KLHL1: variants seen among roughly 807,000 people sequenced by gnomAD.
The protein encoded by KLHL1 is kelch-like protein 1.
Under a neutral mutation model 77.7 loss-of-function variants are expected in KLHL1, and 47 were observed. The ratio of observed to expected loss-of-function variants is 0.60; its 90% CI spans 0.48 to 0.77. The LOEUF is 0.77. Ranked by LOEUF, KLHL1 falls within the 30% of genes least tolerant of loss-of-function variation. KLHL1 has a pLI of 0.00. For synonymous variants in KLHL1, 360 were observed against 325.2 expected, an observed-to-expected ratio of 1.11 and a Z score of -1.15; for missense variants, 925 against 910.8, an observed-to-expected ratio of 1.02 and a Z score of -0.20.
At chr13:69,723,771 CA>C (rs1181128638) in intron 8 of KLHL1, among the ~76,000 whole-genome samples, 1 of 152,064 alleles carries the variant, frequency 6.6e-6, no homozygotes, top group Non-Finnish European at 1.5e-5. Flanking sequence ...TAGGTCTTCA[CA>C]ACCCCTTATC....
chr13:69,975,561 C>A (rs1299942689), intron 2 of KLHL1, 59 bp downstream of exon 2: 1 of 1,424,120 alleles, frequency 7.0e-7, no homozygotes, highest in Non-Finnish European at 9.6e-7. Flanking sequence ...AATCTGCATG[C>A]CAGTCTGGCA....
At chr13:69,886,284 T>C (rs575127656) in intron 4 of KLHL1, among the ~76,000 whole-genome samples, 5 of 152,210 alleles carry the variant, frequency 3.3e-5, no homozygotes, top group African/African-American at 1.2e-4. Context: ...TAAACTACTA[T>C]TTACTACGAC....
chr13:70,000,425 T>C (rs1163690439), intron 1 of KLHL1, among the ~76,000 whole-genome samples: 1 of 151,614 alleles, frequency 6.6e-6, no homozygotes, highest in Non-Finnish European at 1.5e-5. Context: ...CCAAAACTAA[T>C]AAAACAAGAA....
At chr13:69,962,927 C>T (rs934347532) in intron 2 of KLHL1, among the ~76,000 whole-genome samples, 5 of 152,092 alleles carry the variant, frequency 3.3e-5, no homozygotes, top group African/African-American at 1.2e-4. Context: ...GAAGACTTTC[C>T]TAATATCATT....
intron 8 of KLHL1, among the ~76,000 whole-genome samples, chr13:69,740,054 A>G (rs1873920443): frequency 6.6e-6 from 1 of 152,210 alleles, no homozygotes; most frequent in Admixed American, 6.5e-5. Flanking sequence ...AGGAATGAAG[A>G]TGCTTGGAAA....
chr13:69,827,553 A>G (rs1464451408), intron 6 of KLHL1, among the ~76,000 whole-genome samples: 2 of 151,912 alleles, frequency 1.3e-5, no homozygotes, highest in African/African-American at 4.8e-5. Flanking sequence ...AACATGGTGA[A>G]ACCCCGTCTC....
At chr13:69,852,559 G>C (rs1879733625) in intron 5 of KLHL1, among the ~76,000 whole-genome samples, 1 of 151,980 alleles carries the variant, frequency 6.6e-6, no homozygotes, top group Admixed American at 6.6e-5. Context: ...GAAGGTATCA[G>C]TCAGCATTTT....
At chr13:69,902,405 G>T (rs957063678) in intron 4 of KLHL1, among the ~76,000 whole-genome samples, 1 of 152,054 alleles carries the variant, frequency 6.6e-6, no homozygotes, top group African/African-American at 2.4e-5. Flanking sequence ...AAAGGACATA[G>T]ATTTATCATG....
intron 3 of KLHL1, among the ~76,000 whole-genome samples, chr13:69,945,121 G>A (rs73510178): frequency 0.13 from 19,251 of 150,810 alleles, 1,914 homozygotes; most frequent in East Asian, 0.28. Context: ...AGGTAGCTGG[G>A]ATTACAGTCA....
intron 8 of KLHL1, among the ~76,000 whole-genome samples, chr13:69,736,899 G>A (rs1873788575): frequency 1.3e-5 from 2 of 152,252 alleles, no homozygotes; most frequent in African/African-American, 4.8e-5. Context: ...GGAGGGAGTA[G>A]CCAATATGGG....
chr13:69,750,851 G>A (rs1163687373), intron 7 of KLHL1, among the ~76,000 whole-genome samples: 2 of 151,770 alleles, frequency 1.3e-5, no homozygotes, highest in Non-Finnish European at 2.9e-5. Context: ...ATTATCCATC[G>A]TGGTTGCACA....
intron 5 of KLHL1, among the ~76,000 whole-genome samples, chr13:69,844,548 T>C (rs1254415940): frequency 1.3e-5 from 2 of 151,638 alleles, no homozygotes; most frequent in African/African-American, 4.8e-5. Flanking sequence ...TCATTACCTT[T>C]AAAGGCCCTA....
At chr13:69,755,644 AT>A (rs200755377) in intron 7 of KLHL1, among the ~76,000 whole-genome samples, 1 of 151,538 alleles carries the variant, frequency 6.6e-6, no homozygotes, top group Non-Finnish European at 1.5e-5. Context: ...CTCCAAAGTA[AT>A]TTTAAAAAAA....
intron 1 of KLHL1, among the ~76,000 whole-genome samples, chr13:69,978,715 G>A (rs1217846892): frequency 2.6e-5 from 4 of 152,138 alleles, no homozygotes; most frequent in South Asian, 2.1e-4. Context: ...TTGAACTCCC[G>A]AACTCAGGTG....
At chr13:70,092,139 T>C (rs1887684659) in intron 1 of KLHL1, among the ~76,000 whole-genome samples, 1 of 152,160 alleles carries the variant, frequency 6.6e-6, no homozygotes, top group Non-Finnish European at 1.5e-5. Flanking sequence ...GGCACCTTGA[T>C]TTCAGCCTAT....
intron 7 of KLHL1, among the ~76,000 whole-genome samples, chr13:69,751,705 G>C (rs190178458): frequency 5.1e-4 from 78 of 152,242 alleles, no homozygotes; most frequent in African/African-American, 1.9e-3. Context: ...TAAGAGTAAT[G>C]TGAAGTTACT....
chr13:70,082,316 CA>C (rs1887412750), intron 1 of KLHL1, among the ~76,000 whole-genome samples: 1 of 11,112 alleles, frequency 9.0e-5, no homozygotes, highest in South Asian at 1.8e-3. Context: ...ACCTGTCACA[CA>C]CACACACACA....
chr13:70,102,819 A>G (rs1178552232), intron 1 of KLHL1, among the ~76,000 whole-genome samples: 1 of 152,220 alleles, frequency 6.6e-6, no homozygotes, highest in Non-Finnish European at 1.5e-5. Context: ...CTAACTGGCA[A>G]AAAGCAAGTT....
At chr13:69,707,586 TCTTATC>T (rs1012616209) in intron 10 of KLHL1, 33 bp downstream of exon 10, 1 of 1,568,516 alleles carries the variant, frequency 6.4e-7, no homozygotes, top group Non-Finnish European at 8.7e-7. Flanking sequence ...TGAAATAAAT[TCTTATC>T]CTTGAAGTGA....
Sources: allele counts gnomAD v4.1 joint callset (sites outside exome capture counted in the v4.1 genomes callset), GRCh38; gene constraint gnomAD v4.1.1; transcripts MANE v1.5; gene names NCBI Gene and HGNC (gene_info 2026-07-23, HGNC 2026-07-21).